The following OS9 variants were observed in gnomAD, a reference collection of about 807,000 sequenced individuals.
The protein encoded by OS9 is protein OS-9.
Under a neutral mutation model 84.7 loss-of-function variants are expected in OS9, and 58 were observed. The observed-to-expected ratio is 0.68, with a 90% CI of 0.55 to 0.85. The LOEUF is 0.85. Ranked by LOEUF, OS9 falls within the 40% of genes least tolerant of loss-of-function variation. The pLI is 0.00. For missense variants in OS9, 760 were observed against 850.9 expected (o/e 0.89, Z 1.33); for synonymous variants, 278 against 320.8 (o/e 0.87, Z 1.43).
intron 5 of OS9, among the ~76,000 whole-genome samples, chr12:57,704,881 T>G (rs1954123229): frequency 6.6e-6 from 1 of 152,200 alleles, no homozygotes; most frequent in Non-Finnish European, 1.5e-5. Context: ...AGTAGAAAAG[T>G]GTGAATAGAG....
rs768204449 is a variant in OS9 at position 57,719,158 on chromosome 12, C to G, written c.1576C>G (p.Pro526Ala). 1.1e-5 allele frequency: 17 copies of G among 1,613,932 alleles called. 1 individual carries two copies. The South Asian group carries it at 1.6e-4, about 16-fold the overall frequency. Residue 526 changes from proline (P) to alanine (A), a missense_variant, in exon 12 of 15, where the codon CCT becomes GCT. Pro to Ala is a conservative substitution (Grantham distance 27). Transcript: ENST00000315970. The part of the protein sequence containing the change: ...HKKKRVVPKK[P>A]PPSPQPTEED... ...GAAAAAGAGGGTTGTCCCCAAAAAG[C>G]CTCCCCCATCACCCCAACCTACAGG...
rs531342204 is a variant in OS9 at position 57,708,483 on chromosome 12, C to T, written c.580-7277C>T. 3.3e-5 allele frequency among the ~76,000 whole-genome samples: 5 copies of T among 152,008 alleles called. No homozygotes were observed. In the South Asian group the frequency reaches 1.0e-3, roughly 32 times the overall value. On this transcript the variant is annotated intron_variant, in intron 5 of 14. Coordinates refer to ENST00000315970, the MANE Select transcript of OS9 (RefSeq NM_006812.4). ...CCCATCTCTACAAAAAAATATTTAG[C>T]CAGGTGTGGTAGTGTGTGCCTGTGG...
intron 5 of OS9, among the ~76,000 whole-genome samples, chr12:57,713,600 T>G (rs1406549109): frequency 6.6e-6 from 1 of 152,070 alleles, no homozygotes; most frequent in Non-Finnish European, 1.5e-5. Context: ...TGCTGTATCT[T>G]GGAGCTGGTG....
intron 5 of OS9, among the ~76,000 whole-genome samples, chr12:57,698,362 C>T (rs1392641612): frequency 1.3e-5 from 2 of 152,160 alleles, no homozygotes; most frequent in Non-Finnish European, 2.9e-5. Context: ...AGGCCAAGAA[C>T]TGAGGTCAAG....
At chr12:57,694,378 T>A in intron 1 of OS9, 55 bp downstream of exon 1, 1 of 1,583,498 alleles carries the variant, frequency 6.3e-7, no homozygotes, top group Non-Finnish European at 8.7e-7. Context: ...GGGTAAGAGA[T>A]AGAGGAAGAA....
In OS9 at chr12:57,720,392, C is replaced by T. The variant is rs1954641605; in HGVS notation, c.1766-14C>T. 2 of 1,607,228 alleles carry T rather than the reference C, an allele frequency of 1.2e-6. No individual in the cohort carries two copies. The highest frequency in any genetic ancestry group is 1.7e-6 in the Non-Finnish European group (2 of 1,173,760). On this transcript the variant is annotated splice_polypyrimidine_tract_variant and intron_variant, in intron 13 of 14. Coordinates refer to ENST00000315970, the MANE Select transcript of OS9 (RefSeq NM_006812.4). ...AACCATCCTCTCCTCTCACTGCATA[C>T]TGCTCCTTTCCAGGGAAAATTGAGA...
At chr12:57,715,255 C>T (rs1484767436) in intron 5 of OS9, among the ~76,000 whole-genome samples, 19 of 151,894 alleles carry the variant, frequency 1.3e-4, no homozygotes, top group Non-Finnish European at 1.8e-4. Context: ...CCCAGCTCCT[C>T]GGGAGGCTGA....
chr12:57,704,537 C>A (rs1444879658), intron 5 of OS9, among the ~76,000 whole-genome samples: 8 of 146,142 alleles, frequency 5.5e-5, no homozygotes, highest in Non-Finnish European at 3.0e-5. Flanking sequence ...ACTCCATCTC[C>A]AAAAAAAAAA....
intron 5 of OS9, among the ~76,000 whole-genome samples, chr12:57,701,823 T>G (rs1954035395): frequency 6.6e-6 from 1 of 151,950 alleles, no homozygotes; most frequent in Non-Finnish European, 1.5e-5. Context: ...TGAGATAGAG[T>G]TTCACTCTTG....
At chr12:57,697,760 C>T (rs1953889621) in intron 5 of OS9, among the ~76,000 whole-genome samples, 1 of 152,000 alleles carries the variant, frequency 6.6e-6, no homozygotes, top group Non-Finnish European at 1.5e-5. Flanking sequence ...CTCATTGTTC[C>T]CTCTGCCTGG....
rs113785566 is a variant in OS9 at position 57,698,553 on chromosome 12, C to T, written c.579+2180C>T. On this transcript the variant is annotated intron_variant, in intron 5 of 14. Coordinates refer to ENST00000315970, the MANE Select transcript of OS9 (RefSeq NM_006812.4). ...TGCAGCCCGCAGGGGAGCACACAGT[C>T]GGGACAGAGTCCAGGGTGAAAAGGA... Among the ~76,000 whole-genome samples the T allele has an allele frequency of 7.9e-3, 1,200 of 152,230 alleles. 10 individuals are homozygous for T. Among genetic ancestry groups the T allele is most frequent in the Non-Finnish European group, 0.013 (876 of 68,020 alleles).
Position 57,715,905 on chromosome 12 carries a change from A to G in OS9, c.725A>G (p.Gln242Arg). ...CGGCCCCCACCCAGTGCTGCACCGC[A>G]GGCCATCCTCTGTCACCCTTCCCTA... is the stretch of plus-strand genomic sequence containing the variant. ...LLRPPPSAAPQAILCHPSLQP... is the reference protein window; with the variant it reads ...LLRPPPSAAPRAILCHPSLQP... The change falls in exon 6 of 15, where the codon CAG (glutamine) becomes CGG (arginine). Residue 242 changes from glutamine to arginine, a missense_variant. Physicochemically the swap from Gln to Arg is conservative, Grantham distance 43. Transcript: ENST00000315970. 1 of 1,613,440 alleles carries G rather than the reference A, an allele frequency of 6.2e-7. No individual in the cohort carries two copies. Among genetic ancestry groups the G allele is most frequent in the Non-Finnish European group, 8.5e-7 (1 of 1,179,746 alleles).
At chr12:57,717,301 G>A (rs995281776) in intron 9 of OS9, among the ~76,000 whole-genome samples, 2 of 152,174 alleles carry the variant, frequency 1.3e-5, no homozygotes, top group African/African-American at 4.8e-5. Flanking sequence ...TTGTCTCACT[G>A]TCAAACAGGT....
At chr12:57,695,913 T>C (rs1953814530) in intron 3 of OS9, 49 bp from the exon 4 acceptor site, 1 of 1,569,742 alleles carries the variant, frequency 6.4e-7, no homozygotes, top group Admixed American at 1.7e-5. Context: ...TCCCTCCTCC[T>C]CCTCCTCCTC....
chr12:57,700,039 G>A (rs1187519842), intron 5 of OS9, among the ~76,000 whole-genome samples: 4 of 151,928 alleles, frequency 2.6e-5, no homozygotes, highest in Non-Finnish European at 5.9e-5. Context: ...AGGTCGCAGT[G>A]AGCTGATATC....
intron 5 of OS9, among the ~76,000 whole-genome samples, chr12:57,708,475 A>T (rs1430909749): frequency 3.3e-5 from 5 of 151,860 alleles, no homozygotes; most frequent in Non-Finnish European, 1.5e-5. Flanking sequence ...CTACAAAAAA[A>T]TATTTAGCCA....
chr12:57,694,404 C>A, intron 1 of OS9, 81 bp downstream of exon 1: 1 of 1,461,868 alleles, frequency 6.8e-7, no homozygotes, highest in Non-Finnish European at 9.5e-7. Flanking sequence ...GCTCCGGAGT[C>A]TGGGGCTGGA....
intron 8 of OS9, 50 bp downstream of exon 8, chr12:57,716,562 G>A: frequency 6.6e-7 from 1 of 1,519,092 alleles, no homozygotes; most frequent in Middle Eastern, 1.7e-4. Context: ...GAGGGTCACT[G>A]CAGCTGGGGC....
chr12:57,698,742 A>G (rs1789099262), intron 5 of OS9, among the ~76,000 whole-genome samples: 1 of 152,186 alleles, frequency 6.6e-6, no homozygotes, highest in South Asian at 2.1e-4. Context: ...AGGAACTGAC[A>G]GATACTCACA....
Sources: gnomAD v4.1 joint callset for allele counts (sites outside exome capture counted in the v4.1 genomes callset) on GRCh38, gnomAD v4.1.1 for gene constraint, MANE v1.5 for transcripts, NCBI Gene and HGNC (gene_info 2026-07-23, HGNC 2026-07-21) for gene names.